The following CWC25 variants were observed in gnomAD, a reference collection of about 807,000 sequenced individuals.
CWC25 encodes the protein CWC25 spliceosome associated protein, also known as pre-mRNA-splicing factor CWC25 homolog.
A neutral mutation model predicts 54.6 loss-of-function variants in CWC25; 31 were observed. The ratio of observed to expected loss-of-function variants is 0.57; its 90% CI spans 0.43 to 0.77. The LOEUF is 0.77. Ranked by LOEUF, CWC25 falls within the 30% of genes least tolerant of loss-of-function variation. The pLI is 0.00. For missense variants in CWC25, 453 were observed against 529.3 expected, an observed-to-expected ratio of 0.86 and a Z score of 1.41; for synonymous variants, 151 against 187.0, an observed-to-expected ratio of 0.81 and a Z score of 1.57.
At chr17:38,805,789 G>A (rs1302347728) in intron 8 of CWC25, among the ~76,000 whole-genome samples, 1 of 151,958 alleles carries the variant, frequency 6.6e-6, no homozygotes, top group East Asian at 1.9e-4. Context: ...ATGGACTGCT[G>A]TGTCTGGCTT....
chr17:38,813,873 T>C (rs974823036), intron 3 of CWC25, among the ~76,000 whole-genome samples: 1 of 151,396 alleles, frequency 6.6e-6, no homozygotes, highest in African/African-American at 2.4e-5. Context: ...GTTGTTGTTG[T>C]TTTTTCGAGA....
intron 3 of CWC25, 116 bp downstream of exon 3, chr17:38,814,745 C>CAA (rs71138658): frequency 0.1 from 46,563 of 443,658 alleles, 1,856 homozygotes; most frequent in African/African-American, 0.23. Context: ...GACTCCGTCT[C>CAA]AAAAAAAAAA....
At position 38,802,125 on chromosome 17, in the gene CWC25, C is replaced by T. The variant is rs369359892; in HGVS notation, c.1245G>A (p.Ser415=). The T allele has an allele frequency of 1.2e-4, 200 of 1,613,220 alleles. No homozygotes were observed. In the Middle Eastern group the frequency reaches 2.0e-3, roughly 16 times the overall value. The change falls in exon 10 of 10, where the codon TCG becomes TCA. Residue 415 remains serine, a synonymous_variant. Coordinates refer to ENST00000614790, the MANE Select transcript of CWC25 (RefSeq NM_017748.5). ...TCATAAAGTTCTTCTCCAGAGCTAC[C>T]GAAGTTCTCTGTAAAGAGTAGATAT... ...KRNIYSLQRT[S]VALEKNFMKR
chr17:38,824,609 C>A lies in CWC25; in HGVS notation c.18+557G>T, dbSNP rs568067060. 1.4e-3 allele frequency among the ~76,000 whole-genome samples: 210 copies of A among 152,122 alleles called. 3 individuals carry two copies. The highest frequency in any genetic ancestry group is 1.2e-3 in the Non-Finnish European group (84 of 67,980). The stretch of plus-strand genomic sequence containing the variant: ...GCTGAGGCAGGAGAATCGCTTGAAC[C>A]CAGGAGGGAAAGGTTGCGGTCAGCC... On this transcript the variant is annotated intron_variant, in intron 1 of 9. Coordinates refer to ENST00000614790, the MANE Select transcript of CWC25 (RefSeq NM_017748.5).
At chr17:38,803,702 T>TATTA (rs1911115484) in intron 8 of CWC25, among the ~76,000 whole-genome samples, 1 of 149,492 alleles carries the variant, frequency 6.7e-6, no homozygotes. Flanking sequence ...AAATGAAAGA[T>TATTA]ATTAGAGCAT....
rs1911031947 is a variant in CWC25 at position 38,801,668 on chromosome 17, A to G, written c.*424T>C. ...TTCTGTCACATTATCTTCTAAATCA[A>G]GTAAACGTTCATTTGTCTCAGTAAG... On this transcript the variant is annotated 3_prime_UTR_variant, in exon 10 of 10. Transcript: ENST00000614790. The G allele has an allele frequency of 6.4e-6, 1 of 155,508 alleles. No individual in the cohort carries two copies. Among genetic ancestry groups the G allele is most frequent in the Non-Finnish European group, 1.4e-5 (1 of 70,424 alleles). 9.6% of individuals were successfully genotyped at this position (155,508 alleles called of 1,614,324 possible).
chr17:38,809,796 A>T (rs755531419), intron 5 of CWC25, 31 bp from the exon 6 acceptor site: 1 of 1,587,836 alleles, frequency 6.3e-7, no homozygotes, highest in Non-Finnish European at 8.6e-7. Context: ...CACTCATTGA[A>T]AAAGAAAATA....
chr17:38,806,843 CTCT>C lies in CWC25; in HGVS notation c.821_823del (p.Lys274del). 1 of 1,613,690 alleles carries C rather than the reference CTCT, an allele frequency of 6.2e-7. No individual in the cohort carries two copies. The highest frequency in any genetic ancestry group is 8.5e-7 in the Non-Finnish European group (1 of 1,179,812). On this transcript the variant is annotated inframe_deletion, in exon 7 of 10. Coordinates refer to ENST00000614790, the MANE Select transcript of CWC25 (RefSeq NM_017748.5). ...GTCCCGGGACCCTGCTTCCCTGGTG[CTCT>C]TCTTGCTGGCATGTCTTGGGGGTGA...
rs577179568 is a variant in CWC25 at position 38,808,005 on chromosome 17, G to A, written c.691-1029C>T. 6.0e-4 allele frequency among the ~76,000 whole-genome samples: 79 copies of A among 132,608 alleles called. 13 individuals are homozygous for A. Among genetic ancestry groups the A allele is most frequent in the South Asian group, 3.2e-3 (13 of 4,018 alleles). The allele number at this position is 132,608 out of a possible 152,430, so 87.0% of individuals were successfully genotyped here. ...CAGGAGGCAGAGCTTGCAGTGAGCCGAGATGGCGCCACTGCATTCCAGCCT... is the reference window on the plus strand; with the variant it reads ...CAGGAGGCAGAGCTTGCAGTGAGCCAAGATGGCGCCACTGCATTCCAGCCT... On this transcript the variant is annotated intron_variant, in intron 6 of 9. Transcript: ENST00000614790.
In CWC25 at chr17:38,801,374, C is replaced by G. The variant is rs1397219502; in HGVS notation, c.*718G>C. 4 of 152,144 alleles carry G rather than the reference C, an allele frequency of 2.6e-5. No homozygotes were observed. The highest frequency in any genetic ancestry group is 1.9e-4 in the East Asian group (1 of 5,196). 9.4% of individuals were successfully genotyped at this position (152,144 alleles called of 1,614,324 possible). ...AGGCTCCTCCTAAACCAGCCAGATT[C>G]AGAGAGAAAAACGAGCTGGCCTGCC... On this transcript the variant is annotated 3_prime_UTR_variant, in exon 10 of 10. Coordinates refer to ENST00000614790, the MANE Select transcript of CWC25 (RefSeq NM_017748.5).
intron 7 of CWC25, 75 bp from the exon 8 acceptor site, chr17:38,806,470 G>C: frequency 1.1e-5 from 13 of 1,216,044 alleles, no homozygotes; most frequent in Admixed American, 2.0e-5. Flanking sequence ...CTCAAACAAT[G>C]CAAGATGAGC....
intron 5 of CWC25, 159 bp downstream of exon 5, chr17:38,810,309 G>T: frequency 1.4e-6 from 1 of 708,846 alleles, no homozygotes; most frequent in Non-Finnish European, 2.2e-6. Flanking sequence ...AGCATTAGAT[G>T]GCAAGCTCTG....
chr17:38,804,536 G>A (rs1911150396), intron 8 of CWC25, among the ~76,000 whole-genome samples: 3 of 152,142 alleles, frequency 2.0e-5, no homozygotes, highest in Admixed American at 2.0e-4. Context: ...GCCAGGTGCT[G>A]TGGCTCATGC....
At chr17:38,817,390 C>A (rs900664631) in intron 2 of CWC25, among the ~76,000 whole-genome samples, 6 of 151,462 alleles carry the variant, frequency 4.0e-5, no homozygotes, top group African/African-American at 1.5e-4. Flanking sequence ...GTGGCTCACA[C>A]CTGTAATCCC....
At position 38,823,715 on chromosome 17, in the gene CWC25, C is replaced by T. The variant is rs9891927; in HGVS notation, c.18+1451G>A. ...CCATCCTTCCGTCCTTCCTCCCTCA[C>T]TCCCTCCCTCTTTCTCCCTCTAACC... On this transcript the variant is annotated intron_variant, in intron 1 of 9. Coordinates refer to ENST00000614790, the MANE Select transcript of CWC25 (RefSeq NM_017748.5). 2.9e-3 allele frequency among the ~76,000 whole-genome samples: 438 copies of T among 152,258 alleles called. 4 individuals are homozygous for T. Among genetic ancestry groups the T allele is most frequent in the African/African-American group, 0.01 (418 of 41,550 alleles).
intron 5 of CWC25, chr17:38,810,236 A>G (rs576755154): frequency 1.9e-6 from 1 of 536,964 alleles, no homozygotes; most frequent in African/African-American, 1.9e-5. Flanking sequence ...AGCATTATTA[A>G]GGGTCTCTCT....
intron 8 of CWC25, among the ~76,000 whole-genome samples, chr17:38,803,119 T>G (rs920602638): frequency 3.3e-5 from 5 of 152,172 alleles, no homozygotes; most frequent in African/African-American, 1.2e-4. Context: ...ATGAAATAAA[T>G]TGGGAACTCA....
rs1432348917 is a variant in CWC25 at position 38,808,393 on chromosome 17, A to G, written c.690+1309T>C. ...CGAGACTCCCTCTCAAAAAAAAAAA[A>G]GAAAGAAAAGAATACACCTGGCTTA... is the stretch of plus-strand genomic sequence containing the variant. On this transcript the variant is annotated intron_variant, in intron 6 of 9. Transcript: ENST00000614790. Among the ~76,000 whole-genome samples, 2 of 138,150 alleles carry G rather than the reference A, an allele frequency of 1.4e-5. 1 individual carries two copies. Among genetic ancestry groups the G allele is most frequent in the African/African-American group, 5.2e-5 (2 of 38,096 alleles). The allele number at this position is 138,150 out of a possible 152,430, so 90.6% of individuals were successfully genotyped here.
chr17:38,806,855 G>T lies in CWC25; in HGVS notation c.812C>A (p.Ala271Asp), dbSNP rs1911264285. 1 of 1,613,766 alleles carries T rather than the reference G, an allele frequency of 6.2e-7. No homozygotes were observed. Among genetic ancestry groups the T allele is most frequent in the Non-Finnish European group, 8.5e-7 (1 of 1,179,826 alleles). The change falls in exon 7 of 10, where the codon GCC (alanine) becomes GAC (aspartate). Residue 271 changes from alanine (A) to aspartate (D), a missense_variant. By Grantham distance (126) the Ala-to-Asp change is moderately radical (BLOSUM62 -2). Transcript: ENST00000614790. The stretch of plus-strand genomic sequence containing the variant: ...TGCTTCCCTGGTGCTCTTCTTGCTG[G>T]CATGTCTTGGGGGTGAGTGGGAGGA... ...RSSSHSPPRHASKKSTREAGS... is the reference protein window; with the variant it reads ...RSSSHSPPRHDSKKSTREAGS...
Sources: gnomAD v4.1 joint callset for allele counts (sites outside exome capture counted in the v4.1 genomes callset) on GRCh38, gnomAD v4.1.1 for gene constraint, MANE v1.5 for transcripts, NCBI Gene and HGNC (gene_info 2026-07-23, HGNC 2026-07-21) for gene names.